Variants in SERAC1 observed in about 807,000 individuals in gnomAD.
The protein encoded by SERAC1 is serine active site containing 1.
In SERAC1, 36 loss-of-function variants were observed where a neutral mutation model predicts 85.7. That is an observed-to-expected ratio of 0.42 (90% CI 0.32 to 0.55). The LOEUF (loss-of-function observed/expected upper bound fraction) is 0.55, where lower values mean the gene tolerates loss of function less well. Ranked by LOEUF, SERAC1 falls within the 20% of genes least tolerant of loss-of-function variation. The probability of loss-of-function intolerance (pLI) is 0.11; values close to 1 mark genes in which losing one functional copy is unlikely to be tolerated. For missense variants in SERAC1, 629 were observed against 796.2 expected (o/e 0.79, Z 2.53); for synonymous variants, 242 against 265.3 (o/e 0.91, Z 0.85).
intron 8 of SERAC1, among the ~76,000 whole-genome samples, chr6:158,130,860 CTACT>C (rs1253725192): frequency 1.3e-5 from 2 of 152,140 alleles, no homozygotes; most frequent in African/African-American, 4.8e-5. Flanking sequence ...TGCTAATAGC[CTACT>C]TAAAGTCTAA....
intron 10 of SERAC1, among the ~76,000 whole-genome samples, chr6:158,124,996 A>G (rs1468783904): frequency 2.0e-5 from 3 of 152,196 alleles, no homozygotes; most frequent in Non-Finnish European, 4.4e-5. Flanking sequence ...AAGGGAGAGC[A>G]CTGGAGATTA....
At chr6:158,156,212 G>A (rs1463775334) in intron 2 of SERAC1, among the ~76,000 whole-genome samples, 1 of 152,098 alleles carries the variant, frequency 6.6e-6, no homozygotes, top group Non-Finnish European at 1.5e-5. Context: ...ATGTTTGTTT[G>A]GGTCTTGGAA....
intron 5 of SERAC1, 28 bp from the exon 6 acceptor site, chr6:158,146,941 T>G (rs753706084): frequency 6.2e-7 from 1 of 1,604,834 alleles, no homozygotes; most frequent in Non-Finnish European, 8.5e-7. Context: ...GCCAAGACAA[T>G]GTGAAAAGTT....
At chr6:158,129,640 T>C (rs1476850918) in intron 9 of SERAC1, among the ~76,000 whole-genome samples, 1 of 152,146 alleles carries the variant, frequency 6.6e-6, no homozygotes, top group East Asian at 1.9e-4. Flanking sequence ...ATCATTGATA[T>C]ATGCTACAGT....
rs1385870838 is a variant in SERAC1, at chr6:158,157,600, G to A, written c.91+673C>T. On this transcript the variant is annotated intron_variant, in intron 2 of 16. Transcript: ENST00000647468. ...GTCAAATGAATAAAAGATGTTCTAC[G>A]CCAATCTTCTCATTTTACACATAAA... is the stretch of plus-strand genomic sequence containing the variant. Among the ~76,000 whole-genome samples, 4 of 152,252 alleles carry A rather than the reference G, an allele frequency of 2.6e-5. No homozygotes were observed. The East Asian group carries it at 5.8e-4, about 22-fold the overall frequency.
intron 6 of SERAC1, among the ~76,000 whole-genome samples, chr6:158,144,819 TCATAG>T (rs1479914479): frequency 6.6e-6 from 1 of 152,234 alleles, no homozygotes; most frequent in East Asian, 1.9e-4. Flanking sequence ...GCTTTGGTAT[TCATAG>T]TGTCCATGAA....
intron 1 of SERAC1, among the ~76,000 whole-genome samples, chr6:158,160,565 T>C (rs763978717): frequency 1.3e-5 from 2 of 152,250 alleles, no homozygotes; most frequent in African/African-American, 4.8e-5. Flanking sequence ...TTTCCCATCA[T>C]GGTTATAATC....
intron 12 of SERAC1, 77 bp downstream of exon 12, chr6:158,118,951 GA>G: frequency 6.6e-7 from 1 of 1,522,674 alleles, no homozygotes; most frequent in Non-Finnish European, 8.8e-7. Context: ...AGAACAAAGA[GA>G]AAAACAAGCA....
At chr6:158,112,647 CAA>C (rs1398981715) in intron 16 of SERAC1, 1 of 151,282 alleles carries the variant, frequency 6.6e-6, no homozygotes, top group Non-Finnish European at 1.5e-5. Context: ...ATTATGTAGA[CAA>C]AAGAACCATC....
At chr6:158,158,452 G>A in intron 1 of SERAC1, 88 bp from the exon 2 acceptor site, 1 of 952,202 alleles carries the variant, frequency 1.1e-6, no homozygotes, top group Non-Finnish European at 1.6e-6. Flanking sequence ...TACCATCACA[G>A]TGGATGACCC....
chr6:158,132,622 A>T (rs919598350), intron 8 of SERAC1, among the ~76,000 whole-genome samples: 1 of 152,236 alleles, frequency 6.6e-6, no homozygotes, highest in African/African-American at 2.4e-5. Flanking sequence ...AAGGCAAAGA[A>T]AAATGATCTA....
chr6:158,158,315 A>T lies in SERAC1; in HGVS notation c.49T>A (p.Ser17Thr). The stretch of plus-strand genomic sequence containing the variant: ...GTGCCACTTTTTGGTGGGGAAGTAG[A>T]GGTTCCTATTCTTCTGCAACAGATG... ...CVICCRRIGT[S>T]TSPPKSGTHW... Residue 17 changes from serine (S) to threonine (T), a missense_variant, in exon 2 of 17, where the codon TCT (serine) becomes ACT (threonine). By Grantham distance (58) the Ser-to-Thr change is moderately conservative. Coordinates refer to ENST00000647468, the MANE Select transcript of SERAC1 (RefSeq NM_032861.4). 3 of 1,613,924 alleles carry T rather than the reference A, an allele frequency of 1.9e-6. No homozygotes were observed. Among genetic ancestry groups the T allele is most frequent in the Non-Finnish European group, 2.5e-6 (3 of 1,179,840 alleles).
At position 158,111,189 on chromosome 6, in the gene SERAC1, G is replaced by T. The variant is rs1784135480; in HGVS notation, c.*177C>A. On this transcript the variant is annotated 3_prime_UTR_variant, in exon 17 of 17. Coordinates refer to ENST00000647468, the MANE Select transcript of SERAC1 (RefSeq NM_032861.4). Reference sequence around the variant, plus strand: ...CTTCCTTCTGTGCCTGCCACTTCCGGGTTGGTGCTTTACAGCGCTTGAAGG... The same window carrying T: ...CTTCCTTCTGTGCCTGCCACTTCCGTGTTGGTGCTTTACAGCGCTTGAAGG... The T allele has an allele frequency of 3.9e-6, 2 of 506,350 alleles. No individual in the cohort carries two copies. Among genetic ancestry groups the T allele is most frequent in the East Asian group, 6.9e-5 (2 of 29,052 alleles). 31.4% of individuals were successfully genotyped at this position (506,350 alleles called of 1,614,324 possible).
chr6:158,125,018 A>C (rs1044779933), intron 10 of SERAC1, among the ~76,000 whole-genome samples: 2 of 152,168 alleles, frequency 1.3e-5, no homozygotes, highest in Non-Finnish European at 2.9e-5. Context: ...AAATATGCAA[A>C]CAAAAAAGAT....
At chr6:158,162,730 T>C (rs1222805083) in intron 1 of SERAC1, among the ~76,000 whole-genome samples, 1 of 152,220 alleles carries the variant, frequency 6.6e-6, no homozygotes, top group African/African-American at 2.4e-5. Context: ...TATCATTCGA[T>C]CCATCCACTG....
intron 9 of SERAC1, 90 bp from the exon 10 acceptor site, chr6:158,128,360 GC>G: frequency 7.7e-7 from 1 of 1,297,534 alleles, no homozygotes; most frequent in Non-Finnish European, 1.1e-6. Flanking sequence ...CAGCTAGGTA[GC>G]TCCCACTCAA....
At chr6:158,128,668 C>T (rs929447167) in intron 9 of SERAC1, among the ~76,000 whole-genome samples, 2 of 152,150 alleles carry the variant, frequency 1.3e-5, no homozygotes, top group Non-Finnish European at 2.9e-5. Context: ...GTCCCCTGTG[C>T]AAGCGAACAG....
At chr6:158,114,680 T>C in intron 15 of SERAC1, 109 bp downstream of exon 15, 4 of 1,557,118 alleles carry the variant, frequency 2.6e-6, no homozygotes, top group South Asian at 2.4e-5. Flanking sequence ...AACACAATTA[T>C]ATACAAATTA....
intron 6 of SERAC1, among the ~76,000 whole-genome samples, chr6:158,144,825 T>TG (rs1251820881): frequency 6.6e-6 from 1 of 152,240 alleles, no homozygotes; most frequent in East Asian, 1.9e-4. Context: ...GTATTCATAG[T>TG]GTCCATGAAT....
Sources: allele counts gnomAD v4.1 joint callset (sites outside exome capture counted in the v4.1 genomes callset), GRCh38; gene constraint gnomAD v4.1.1; transcripts MANE v1.5; gene names NCBI Gene and HGNC (gene_info 2026-07-23, HGNC 2026-07-21).